FOXJ3: variants seen among roughly 807,000 people sequenced by gnomAD.
The protein encoded by FOXJ3 is forkhead box protein J3.
A neutral mutation model predicts 76.1 loss-of-function variants in FOXJ3; 22 were observed. The ratio of observed to expected loss-of-function variants is 0.29; its 90% CI spans 0.21 to 0.41. FOXJ3 has a LOEUF of 0.41. FOXJ3 is among the 10% of genes least tolerant of loss of function. The pLI, the probability that FOXJ3 is intolerant of heterozygous loss-of-function variation, is 1.00. For synonymous variants in FOXJ3, 269 were observed against 261.2 expected, an observed-to-expected ratio of 1.03 and a Z score of -0.29; for missense variants, 613 against 762.1, an observed-to-expected ratio of 0.80 and a Z score of 2.30.
rs571201856 is a variant in FOXJ3 at position 42,176,737 on chromosome 1, G to C, written c.*2973C>G. On this transcript the variant is annotated 3_prime_UTR_variant, in exon 13 of 13. Coordinates refer to ENST00000361346, the MANE Select transcript of FOXJ3 (RefSeq NM_014947.5). ...CTGTAGAAACATTAAAACACTGACT[G>C]TCCAACAGCAGTACAGAGAGCAGGT... 6.6e-6 allele frequency: 1 copy of C among 152,670 alleles called. No individual in the cohort carries two copies. Among genetic ancestry groups the C allele is most frequent in the Non-Finnish European group, 1.5e-5 (1 of 68,024 alleles). The allele number at this position is 152,670 out of a possible 1,614,324, so 9.5% of individuals were successfully genotyped here.
intron 5 of FOXJ3, among the ~76,000 whole-genome samples, chr1:42,218,564 C>T (rs1280669570): frequency 6.6e-6 from 1 of 152,168 alleles, no homozygotes; most frequent in Admixed American, 6.5e-5. Context: ...TATAACAATG[C>T]ATTATAAGAT....
At position 42,242,559 on chromosome 1, in the gene FOXJ3, A is replaced by T. The variant is rs367751236; in HGVS notation, c.445-14593T>A. ...ATGAGAGATCTTTAGAAATAACTCA[A>T]TAAGACCAAAAAAAAAAAAAAAAGA... On this transcript the variant is annotated intron_variant, in intron 4 of 12. Coordinates refer to ENST00000361346, the MANE Select transcript of FOXJ3 (RefSeq NM_014947.5). Among the ~76,000 whole-genome samples the T allele has an allele frequency of 9.1e-3, 1,049 of 115,520 alleles. 17 individuals are homozygous for T. The highest frequency in any genetic ancestry group is 0.03 in the African/African-American group (1,012 of 34,278). 75.8% of individuals were successfully genotyped at this position (115,520 alleles called of 152,430 possible).
intron 4 of FOXJ3, among the ~76,000 whole-genome samples, chr1:42,263,456 T>C (rs143537905): frequency 6.6e-6 from 1 of 152,322 alleles, no homozygotes; most frequent in Admixed American, 6.5e-5. Context: ...CTATAGGAAA[T>C]GTGATAAAGA....
intron 2 of FOXJ3, among the ~76,000 whole-genome samples, chr1:42,305,799 G>A (rs1009879717): frequency 2.6e-5 from 4 of 152,158 alleles, no homozygotes; most frequent in Admixed American, 6.5e-5. Flanking sequence ...GTGTTTGATT[G>A]CACAACAGGG....
chr1:42,177,106 G>A lies in FOXJ3; in HGVS notation c.*2604C>T, dbSNP rs997460360. On this transcript the variant is annotated 3_prime_UTR_variant, in exon 13 of 13. Transcript: ENST00000361346. ...TGCATTAGCAACTACCATACAAAAT[G>A]GCCACTAGAGGGACTCTCTGCACCT... 3 of 152,524 alleles carry A rather than the reference G, an allele frequency of 2.0e-5. No homozygotes were observed. The highest frequency in any genetic ancestry group is 7.2e-5 in the African/African-American group (3 of 41,408). 9.4% of individuals were successfully genotyped at this position (152,524 alleles called of 1,614,324 possible).
intron 4 of FOXJ3, among the ~76,000 whole-genome samples, chr1:42,230,429 G>A (rs1216509201): frequency 6.6e-6 from 1 of 152,116 alleles, no homozygotes; most frequent in Non-Finnish European, 1.5e-5. Flanking sequence ...TCAGATTTTG[G>A]AATACCTGCA....
chr1:42,196,041 T>C (rs779184176), intron 7 of FOXJ3, among the ~76,000 whole-genome samples: 7 of 152,204 alleles, frequency 4.6e-5, no homozygotes, highest in African/African-American at 7.2e-5. Flanking sequence ...GTTTCTCATC[T>C]ACCTCCCTGG....
At chr1:42,288,048 T>C (rs569217708) in intron 2 of FOXJ3, among the ~76,000 whole-genome samples, 65 of 152,160 alleles carry the variant, frequency 4.3e-4, no homozygotes, top group Non-Finnish European at 7.8e-4. Flanking sequence ...ATGCTATAAT[T>C]CTCATCTTCA....
intron 11 of FOXJ3, among the ~76,000 whole-genome samples, chr1:42,186,570 C>G (rs1569775188): frequency 6.6e-6 from 1 of 152,000 alleles, no homozygotes; most frequent in Admixed American, 6.5e-5. Flanking sequence ...GAACAAATAA[C>G]CAAGGTCAAG....
intron 5 of FOXJ3, 47 bp from the exon 6 acceptor site, chr1:42,205,910 C>CAACT (rs775108206): frequency 9.2e-7 from 1 of 1,089,684 alleles, no homozygotes; most frequent in Non-Finnish European, 1.4e-6. Flanking sequence ...ATATATCCAG[C>CAACT]AACTTTAACA....
chr1:42,184,940 G>A (rs940512475), intron 11 of FOXJ3, among the ~76,000 whole-genome samples: 20 of 152,112 alleles, frequency 1.3e-4, no homozygotes, highest in Admixed American at 6.5e-5. Flanking sequence ...CAGCAGTGTT[G>A]AAGCACAGGC....
chr1:42,191,933 T>C (rs1406308194), intron 8 of FOXJ3, among the ~76,000 whole-genome samples: 2 of 152,124 alleles, frequency 1.3e-5, no homozygotes, highest in African/African-American at 4.8e-5. Context: ...AAAGACAAGA[T>C]TATGACCAAC....
At chr1:42,316,338 T>G (rs1011597736) in intron 1 of FOXJ3, among the ~76,000 whole-genome samples, 3 of 132,334 alleles carry the variant, frequency 2.3e-5, no homozygotes, top group Admixed American at 8.0e-5. Context: ...TGGGCCTTTT[T>G]TTTTTTTTTT....
chr1:42,324,198 C>CTA (rs200502313), intron 1 of FOXJ3, among the ~76,000 whole-genome samples: 3 of 111,606 alleles, frequency 2.7e-5, no homozygotes, highest in Admixed American at 9.1e-5. Context: ...AATATATATA[C>CTA]TATATATATA....
intron 5 of FOXJ3, among the ~76,000 whole-genome samples, chr1:42,214,700 T>A (rs557884594): frequency 7.9e-5 from 12 of 152,264 alleles, no homozygotes; most frequent in African/African-American, 2.6e-4. Flanking sequence ...TGCCCCAAGA[T>A]TAGGCAATAG....
At chr1:42,225,797 C>T (rs1647510026) in intron 5 of FOXJ3, among the ~76,000 whole-genome samples, 1 of 151,980 alleles carries the variant, frequency 6.6e-6, no homozygotes, top group Non-Finnish European at 1.5e-5. Context: ...GTTTTTGTAA[C>T]CTGAATCCTG....
At chr1:42,321,438 GTTTC>G (rs1329700427) in intron 1 of FOXJ3, among the ~76,000 whole-genome samples, 5 of 152,240 alleles carry the variant, frequency 3.3e-5, no homozygotes, top group Admixed American at 6.5e-5. Flanking sequence ...TGAATGGACT[GTTTC>G]TAAGAAGACT....
chr1:42,190,625 C>T (rs753910199), intron 9 of FOXJ3, among the ~76,000 whole-genome samples: 1 of 152,074 alleles, frequency 6.6e-6, no homozygotes, highest in Non-Finnish European at 1.5e-5. Flanking sequence ...TACTAGAATC[C>T]AGATCTCTTG....
intron 1 of FOXJ3, among the ~76,000 whole-genome samples, chr1:42,325,704 G>C (rs577685715): frequency 6.6e-6 from 1 of 152,158 alleles, no homozygotes; most frequent in Non-Finnish European, 1.5e-5. Context: ...ATTTAAATTG[G>C]AGTGCTATTT....
Sources: allele counts gnomAD v4.1 joint callset (sites outside exome capture counted in the v4.1 genomes callset), GRCh38; gene constraint gnomAD v4.1.1; transcripts MANE v1.5; gene names NCBI Gene and HGNC (gene_info 2026-07-23, HGNC 2026-07-21).